Variants in SLC30A9 observed in about 807,000 individuals in gnomAD.
SLC30A9 encodes the protein proton-coupled zinc antiporter SLC30A9, mitochondrial.
In SLC30A9, 58 loss-of-function variants were observed where a neutral mutation model predicts 87.5. The ratio of observed to expected loss-of-function variants is 0.66; its 90% CI spans 0.54 to 0.82. SLC30A9 has a LOEUF of 0.82. SLC30A9 is among the 40% of genes least tolerant of loss of function. The probability of loss-of-function intolerance (pLI) is 0.00; values close to 1 mark genes in which losing one functional copy is unlikely to be tolerated. For synonymous variants in SLC30A9, 234 were observed against 233.0 expected (o/e 1.00, Z -0.04); for missense variants, 557 against 679.1 (o/e 0.82, Z 2.00).
intron 6 of SLC30A9, among the ~76,000 whole-genome samples, chr4:42,034,203 A>G (rs368493246): frequency 6.6e-5 from 10 of 151,002 alleles, no homozygotes; most frequent in African/African-American, 2.2e-4. Context: ...TAATATTGAG[A>G]AAAGAATCTT....
Position 42,060,252 on chromosome 4 carries a change from G to A in SLC30A9, c.896+6G>A. On this transcript the variant is annotated splice_donor_region_variant and intron_variant, in intron 10 of 17. Coordinates refer to ENST00000264451, the MANE Select transcript of SLC30A9 (RefSeq NM_006345.4). ...ACACCAGATCCTTCTCATCCGTAAG[G>A]ACATTGCCTTATTTTGTTTTTGTTT... 1 of 1,607,326 alleles carries A rather than the reference G, an allele frequency of 6.2e-7. No individual in the cohort carries two copies. The highest frequency in any genetic ancestry group is 8.5e-7 in the Non-Finnish European group (1 of 1,174,414).
Position 42,046,649 on chromosome 4 carries a change from G to A in SLC30A9, c.738-2728G>A, listed in dbSNP as rs574376041. Among the ~76,000 whole-genome samples the A allele has an allele frequency of 3.0e-4, 45 of 152,138 alleles. 1 individual carries two copies. The highest frequency in any genetic ancestry group is 6.7e-4 in the African/African-American group (28 of 41,518). On this transcript the variant is annotated intron_variant, in intron 8 of 17. Transcript: ENST00000264451. ...AATAATCAATATCATGAAAATGGCC[G>A]TACTGCGCAAAGTAATTAATGGAAT...
Position 41,991,480 on chromosome 4 carries a change from T to C in SLC30A9, c.109+720T>C, listed in dbSNP as rs796174548. On this transcript the variant is annotated intron_variant, in intron 1 of 17. Coordinates refer to ENST00000264451, the MANE Select transcript of SLC30A9 (RefSeq NM_006345.4). ...AGTTTCCAAAATAACATTGAACTAA[T>C]CAGGCTTACCTTCGTTTTTGCCGTA... 7.9e-5 allele frequency among the ~76,000 whole-genome samples: 12 copies of C among 152,352 alleles called. No individual in the cohort carries two copies. The South Asian group carries it at 2.5e-3, about 32-fold the overall frequency.
intron 8 of SLC30A9, among the ~76,000 whole-genome samples, chr4:42,045,913 C>T (rs572069162): frequency 6.6e-6 from 1 of 152,282 alleles, no homozygotes; most frequent in East Asian, 1.9e-4. Flanking sequence ...AAGGCTGGTT[C>T]AACATATGCA....
rs1715865550 is a variant in SLC30A9, at chr4:42,019,699, A to C, written c.335-717A>C. 2.0e-5 allele frequency among the ~76,000 whole-genome samples: 3 copies of C among 152,196 alleles called. No homozygotes were observed. In the South Asian group the frequency reaches 6.2e-4, roughly 31 times the overall value. On this transcript the variant is annotated intron_variant, in intron 3 of 17. Transcript: ENST00000264451. ...TCACAAAAAAATAATTATATGTAGT[A>C]GTCTTTGATTACTTTATATTTCTAC...
intron 9 of SLC30A9, among the ~76,000 whole-genome samples, chr4:42,054,674 T>A (rs1717530631): frequency 6.6e-6 from 1 of 151,788 alleles, no homozygotes. Context: ...GTATTTTTAG[T>A]AGAGACGGGG....
intron 4 of SLC30A9, 151 bp from the exon 5 acceptor site, chr4:42,022,687 T>C (rs1425472889): frequency 6.4e-6 from 3 of 466,232 alleles, no homozygotes; most frequent in African/African-American, 5.9e-5. Flanking sequence ...CAAAATGTCA[T>C]CTTTAAACTG....
intron 2 of SLC30A9, among the ~76,000 whole-genome samples, chr4:42,016,938 T>G (rs1356779748): frequency 1.3e-5 from 2 of 152,192 alleles, no homozygotes; most frequent in Non-Finnish European, 2.9e-5. Context: ...TGCAAGAGTT[T>G]CTTGAAGCCA....
chr4:41,992,194 C>A (rs1714473491), intron 1 of SLC30A9, among the ~76,000 whole-genome samples: 1 of 151,600 alleles, frequency 6.6e-6, no homozygotes, highest in Admixed American at 6.6e-5. Flanking sequence ...AAAAATTAGC[C>A]TGGTTTGGTG....
chr4:42,058,275 TAAC>T (rs1717705800), intron 9 of SLC30A9, among the ~76,000 whole-genome samples: 1 of 152,162 alleles, frequency 6.6e-6, no homozygotes, highest in African/African-American at 2.4e-5. Flanking sequence ...GCTTAAAACA[TAAC>T]AAGAGTCACC....
intron 17 of SLC30A9, among the ~76,000 whole-genome samples, chr4:42,082,779 T>G (rs1718788688): frequency 1.3e-5 from 2 of 148,676 alleles, no homozygotes; most frequent in Non-Finnish European, 3.0e-5. Context: ...ACCTGGGAGG[T>G]GGAGGTTGCA....
intron 9 of SLC30A9, among the ~76,000 whole-genome samples, chr4:42,058,563 T>G (rs1392590226): frequency 3.3e-5 from 5 of 152,214 alleles, no homozygotes; most frequent in Non-Finnish European, 7.3e-5. Context: ...TCTGTTTTCA[T>G]GCTGCTGATA....
At chr4:42,042,031 A>T (rs1485132907) in intron 8 of SLC30A9, among the ~76,000 whole-genome samples, 4 of 152,166 alleles carry the variant, frequency 2.6e-5, no homozygotes, top group Non-Finnish European at 4.4e-5. Flanking sequence ...TCCAGCCCAG[A>T]TACTACGCTT....
At chr4:41,995,858 C>T (rs189063330) in intron 1 of SLC30A9, among the ~76,000 whole-genome samples, 70 of 152,278 alleles carry the variant, frequency 4.6e-4, no homozygotes, top group Admixed American at 1.4e-3. Context: ...CACAGGCTAG[C>T]GCCACCATGC....
intron 6 of SLC30A9, among the ~76,000 whole-genome samples, chr4:42,034,321 G>T (rs1296165003): frequency 6.6e-6 from 1 of 152,088 alleles, no homozygotes; most frequent in Non-Finnish European, 1.5e-5. Context: ...TAAAGGTACA[G>T]TTCATAAGTG....
intron 9 of SLC30A9, among the ~76,000 whole-genome samples, 179 bp from the exon 10 acceptor site, chr4:42,060,012 T>TCAA (rs1298347639): frequency 6.6e-6 from 1 of 152,174 alleles, no homozygotes; most frequent in African/African-American, 2.4e-5. Context: ...TTTGAACCCC[T>TCAA]TTGAGTTCAT....
chr4:42,022,864 G>A lies in SLC30A9; in HGVS notation c.461G>A (p.Arg154Lys). The change falls in exon 5 of 18, where the codon AGA becomes AAA. Residue 154 changes from arginine (R) to lysine (K), a missense_variant. By Grantham distance (26) the Arg-to-Lys change is conservative (BLOSUM62 2). This residue lies in a region of SLC30A9 where 467 missense variants were observed against 529.8 expected (regional missense o/e 0.88). Transcript: ENST00000264451. Reference protein sequence around the residue: ...SSDLEQLRKIRRRSPHEDTES... With the variant: ...SSDLEQLRKIKRRSPHEDTES... ...GATCTAGAACAACTTCGAAAAATCAGACGACGAAGTCCCCATGAAGATACT... is the reference window on the plus strand; with the variant it reads ...GATCTAGAACAACTTCGAAAAATCAAACGACGAAGTCCCCATGAAGATACT... The A allele has an allele frequency of 6.2e-7, 1 of 1,600,520 alleles. No individual in the cohort carries two copies. The highest frequency in any genetic ancestry group is 8.5e-7 in the Non-Finnish European group (1 of 1,172,264).
chr4:41,991,851 C>T (rs887703230), intron 1 of SLC30A9, among the ~76,000 whole-genome samples: 13 of 152,122 alleles, frequency 8.5e-5, no homozygotes, highest in African/African-American at 2.9e-4. Context: ...GCTATAGTAA[C>T]TATGCTGTGG....
rs1716804751 is a variant in SLC30A9 at position 42,038,972 on chromosome 4, T to G, written c.670-14T>G. 1 of 1,611,502 alleles carries G rather than the reference T, an allele frequency of 6.2e-7. No homozygotes were observed. On this transcript the variant is annotated splice_polypyrimidine_tract_variant and intron_variant, in intron 7 of 17. Coordinates refer to ENST00000264451, the MANE Select transcript of SLC30A9 (RefSeq NM_006345.4). The stretch of plus-strand genomic sequence containing the variant: ...ATTTTGGAGGTATTAAAAAAAGTTT[T>G]TGTTTTTTTACAGCCACGCTCCAGA...
Sources: gnomAD v4.1 joint callset for allele counts (sites outside exome capture counted in the v4.1 genomes callset) on GRCh38, gnomAD v4.1.1 for gene constraint, gnomAD v4.1.1 regional missense constraint, MANE v1.5 for transcripts, NCBI Gene and HGNC (gene_info 2026-07-23, HGNC 2026-07-21) for gene names.